The following GRIP1 variants were observed in gnomAD, a reference collection of about 807,000 sequenced individuals.
The protein encoded by GRIP1 is glutamate receptor interacting protein 1, also known as glutamate receptor-interacting protein 1.
GRIP1 carries 45 observed loss-of-function variants against 129.9 expected under a neutral mutation model. That is an observed-to-expected ratio of 0.35 (90% CI 0.27 to 0.44). The LOEUF is 0.44. GRIP1 is among the 20% of genes least tolerant of loss of function. The pLI, the probability that GRIP1 is intolerant of heterozygous loss-of-function variation, is 1.00. For synonymous variants in GRIP1, 530 were observed against 520.8 expected, an observed-to-expected ratio of 1.02 and a Z score of -0.24; for missense variants, 1,196 against 1,396.8, an observed-to-expected ratio of 0.86 and a Z score of 2.29.
chr12:66,857,440 T>A (rs1213286935), intron 1 of GRIP1, among the ~76,000 whole-genome samples: 1 of 151,974 alleles, frequency 6.6e-6, no homozygotes, highest in Admixed American at 6.6e-5. Context: ...AGGTGTTTTG[T>A]TAGGCCAGTG....
upstream of GRIP1, among the ~76,000 whole-genome samples, chr12:66,683,449 A>G (rs2034661977): frequency 6.6e-6 from 1 of 152,202 alleles, no homozygotes; most frequent in East Asian, 1.9e-4. Flanking sequence ...TAAGGGTGTG[A>G]AAAGTTGGTG....
At chr12:66,989,719 C>T (rs988713426) in intron 1 of GRIP1, among the ~76,000 whole-genome samples, 2 of 152,100 alleles carry the variant, frequency 1.3e-5, no homozygotes, top group African/African-American at 4.8e-5. Flanking sequence ...ACTGTCACTA[C>T]ACAAGGAAGA....
chr12:66,644,047 C>T (rs561343410), intron 1 of GRIP1, among the ~76,000 whole-genome samples: 19 of 152,194 alleles, frequency 1.2e-4, no homozygotes, highest in South Asian at 1.2e-3. Context: ...ACTTCTTACA[C>T]GGCAGCGGCA....
intron 19 of GRIP1, among the ~76,000 whole-genome samples, chr12:66,390,345 G>A (rs1000010541): frequency 6.6e-6 from 1 of 152,054 alleles, no homozygotes; most frequent in Non-Finnish European, 1.5e-5. Flanking sequence ...TATATAAAGG[G>A]TTATTACTAT....
At chr12:67,035,338 G>A (rs2043079559) in intron 1 of GRIP1, among the ~76,000 whole-genome samples, 1 of 152,178 alleles carries the variant, frequency 6.6e-6, no homozygotes, top group Admixed American at 6.5e-5. Flanking sequence ...GCATGGGGGA[G>A]GGTTCGCAGT....
intron 1 of GRIP1, among the ~76,000 whole-genome samples, chr12:66,743,326 T>G (rs1219515232): frequency 6.6e-6 from 1 of 151,926 alleles, no homozygotes; most frequent in East Asian, 1.9e-4. Context: ...TCCCCCAAAG[T>G]GGAAGGATTA....
intron 1 of GRIP1, among the ~76,000 whole-genome samples, chr12:66,602,004 G>A (rs1565900790): frequency 6.6e-6 from 1 of 152,178 alleles, no homozygotes; most frequent in Non-Finnish European, 1.5e-5. Flanking sequence ...GTGAGCATGG[G>A]CTTAGGGTTA....
At chr12:66,570,938 G>C (rs954069597) in intron 2 of GRIP1, 5 of 152,062 alleles carry the variant, frequency 3.3e-5, no homozygotes, top group Non-Finnish European at 7.4e-5. Flanking sequence ...AAAATCTGAA[G>C]CTTTTGAAGG....
intron 19 of GRIP1, among the ~76,000 whole-genome samples, chr12:66,381,009 C>T (rs2056083075): frequency 6.6e-6 from 1 of 152,132 alleles, no homozygotes; most frequent in Non-Finnish European, 1.5e-5. Flanking sequence ...TCCTCTTCCC[C>T]ATTCACTTTC....
intron 1 of GRIP1, among the ~76,000 whole-genome samples, chr12:67,037,853 T>C (rs754950778): frequency 3.6e-4 from 55 of 152,228 alleles, no homozygotes; most frequent in Non-Finnish European, 4.7e-4. Flanking sequence ...TTGGTCTAGA[T>C]TACTTGAAAG....
intron 2 of GRIP1, among the ~76,000 whole-genome samples, chr12:66,566,083 T>A (rs1329422123): frequency 6.6e-6 from 1 of 152,224 alleles, no homozygotes; most frequent in Admixed American, 6.5e-5. Context: ...ACAATTTGAC[T>A]TCCTCTTTTC....
At chr12:67,011,115 G>A (rs551641148) in intron 1 of GRIP1, among the ~76,000 whole-genome samples, 1 of 152,090 alleles carries the variant, frequency 6.6e-6, no homozygotes, top group Non-Finnish European at 1.5e-5. Flanking sequence ...TTTGTACTTA[G>A]CTATCTCATT....
At chr12:66,990,977 C>CA (rs373022223) in intron 1 of GRIP1, among the ~76,000 whole-genome samples, 18,810 of 102,348 alleles carry the variant, frequency 0.18, 1,556 homozygotes, top group African/African-American at 0.32. Flanking sequence ...AACTCCGTCG[C>CA]AAAAAAAAAA....
intron 1 of GRIP1, among the ~76,000 whole-genome samples, chr12:66,814,736 T>C (rs753858560): frequency 5.9e-5 from 9 of 152,038 alleles, no homozygotes; most frequent in Non-Finnish European, 1.2e-4. Context: ...CCCGAGACTA[T>C]AGTTTATATT....
At chr12:66,661,944 T>C (rs1364033509) in intron 1 of GRIP1, among the ~76,000 whole-genome samples, 1 of 152,168 alleles carries the variant, frequency 6.6e-6, no homozygotes, top group Non-Finnish European at 1.5e-5. Context: ...AGAAATGATT[T>C]ATATAGAACA....
At chr12:66,858,331 T>C (rs2040042926) in intron 1 of GRIP1, among the ~76,000 whole-genome samples, 1 of 151,952 alleles carries the variant, frequency 6.6e-6, no homozygotes, top group Non-Finnish European at 1.5e-5. Flanking sequence ...GAATTTACTT[T>C]CAACACCATA....
At chr12:66,947,101 G>A (rs1036390697) in intron 1 of GRIP1, among the ~76,000 whole-genome samples, 9 of 151,846 alleles carry the variant, frequency 5.9e-5, no homozygotes, top group Non-Finnish European at 1.2e-4. Context: ...CATCACCTGA[G>A]GGAGGCAGGA....
intron 1 of GRIP1, among the ~76,000 whole-genome samples, chr12:67,040,107 G>A (rs1394568634): frequency 1.3e-5 from 2 of 152,052 alleles, no homozygotes; most frequent in Admixed American, 6.6e-5. Context: ...AGTGTTTCAG[G>A]TAAGACCACA....
chr12:66,871,935 C>G (rs2040302997), intron 1 of GRIP1, among the ~76,000 whole-genome samples: 1 of 152,030 alleles, frequency 6.6e-6, no homozygotes, highest in African/African-American at 2.4e-5. Context: ...TGCTTTTGGG[C>G]ACCATCTTCA....
Sources: allele counts gnomAD v4.1 joint callset (sites outside exome capture counted in the v4.1 genomes callset), GRCh38; gene constraint gnomAD v4.1.1; transcripts MANE v1.5; gene names NCBI Gene and HGNC (gene_info 2026-07-23, HGNC 2026-07-21).